C11orf65: variants seen among roughly 807,000 people sequenced by gnomAD.
The protein encoded by C11orf65 is chromosome 11 open reading frame 65.
C11orf65 carries 38 observed loss-of-function variants against 35.3 expected under a neutral mutation model. That is an observed-to-expected ratio of 1.08 (90% confidence interval 0.83 to 1.41). C11orf65 has a LOEUF of 1.41. Among genes scored for constraint, C11orf65 ranks in the 40% most tolerant of loss-of-function variants. C11orf65 has a pLI of 0.00. For synonymous variants in C11orf65, 105 were observed against 114.4 expected (o/e 0.92, Z 0.53); for missense variants, 370 against 367.1 (o/e 1.01, Z -0.06).
chr11:108,437,777 A>G (rs6589017), intron 2 of C11orf65, among the ~76,000 whole-genome samples: 90,581 of 147,118 alleles, frequency 0.62, 28,258 homozygotes, highest in Middle Eastern at 0.76. Flanking sequence ...CCACATTCAC[A>G]GATTGGAAGC....
At chr11:108,441,123 A>C (rs960987363) in intron 2 of C11orf65, among the ~76,000 whole-genome samples, 6 of 152,186 alleles carry the variant, frequency 3.9e-5, no homozygotes, top group Non-Finnish European at 8.8e-5. Flanking sequence ...CTCCCACCCT[A>C]ATACTGTGCT....
Position 108,385,636 on chromosome 11 carries a change from C to T in C11orf65, c.787+284G>A, listed in dbSNP as rs557017413. On this transcript the variant is annotated intron_variant, in intron 8 of 8. Coordinates refer to ENST00000393084, the MANE Select transcript of C11orf65 (RefSeq NM_152587.5). ...GGCGGAGCTTGCAGTGAGCCAACATCGCACCACTGCACTCCAGCCTGGGCG... is the reference window on the plus strand; with the variant it reads ...GGCGGAGCTTGCAGTGAGCCAACATTGCACCACTGCACTCCAGCCTGGGCG... Among the ~76,000 whole-genome samples the T allele has an allele frequency of 7.1e-4, 108 of 151,498 alleles. 1 individual carries two copies. The highest frequency in any genetic ancestry group is 2.4e-3 in the African/African-American group (100 of 41,298).
Position 108,385,888 on chromosome 11 carries a change from T to C in C11orf65, c.787+32A>G, listed in dbSNP as rs750183395. 19 of 1,585,510 alleles carry C rather than the reference T, an allele frequency of 1.2e-5. No individual in the cohort carries two copies. In the East Asian group the frequency reaches 3.8e-4, roughly 32 times the overall value. On this transcript the variant is annotated intron_variant, in intron 8 of 8. Coordinates refer to ENST00000393084, the MANE Select transcript of C11orf65 (RefSeq NM_152587.5). Reference sequence around the variant, plus strand: ...GGAATGTATTTTTTGTTCATGAGAATTTCCTATAAAGTACTGCTAAAAATC... The same window carrying C: ...GGAATGTATTTTTTGTTCATGAGAACTTCCTATAAAGTACTGCTAAAAATC...
chr11:108,329,053 A>C (rs376159946), downstream of C11orf65: 14 of 1,613,994 alleles, frequency 8.7e-6, no homozygotes, highest in Non-Finnish European at 1.1e-5. Context: ...ATGATGGAGA[A>C]AGTAGTGATG....
At position 108,321,379 on chromosome 11, in the gene C11orf65, G is replaced by A. The variant is rs2136241619; in HGVS notation, c.641-12308C>T. The A allele has an allele frequency of 1.2e-6, 2 of 1,614,078 alleles. No homozygotes were observed. Among genetic ancestry groups the A allele is most frequent in the Non-Finnish European group, 8.5e-7 (1 of 1,180,042 alleles). ...TCTATCCCACACTTAGCAGGTTGCA[G>A]GCCATTGGAGAGCTGGAAAGCATTG... is the stretch of plus-strand genomic sequence containing the variant. On this transcript the variant is annotated intron_variant, in intron 6 of 6. Transcript: ENST00000525729.
intron 2 of C11orf65, among the ~76,000 whole-genome samples, chr11:108,459,586 TCTATTTTTAGTTTTC>T (rs1555179130): frequency 2.6e-5 from 4 of 152,204 alleles, no homozygotes; most frequent in Non-Finnish European, 5.9e-5. Flanking sequence ...GATGCTATCA[TCTATTTTTAGTTTTC>T]CAAAAATTAG....
At chr11:108,343,748 G>C (rs2087911295) in intron 2 of C11orf65, among the ~76,000 whole-genome samples, 1 of 152,042 alleles carries the variant, frequency 6.6e-6, no homozygotes, top group African/African-American at 2.4e-5. Flanking sequence ...GGATTTTGAG[G>C]CCAGCCTGGG....
intron 8 of C11orf65, among the ~76,000 whole-genome samples, chr11:108,383,759 C>A (rs908077729): frequency 6.6e-6 from 1 of 152,186 alleles, no homozygotes; most frequent in Non-Finnish European, 1.5e-5. Flanking sequence ...TTATGCAAAT[C>A]TCCACTACTT....
chr11:108,393,191 T>C lies in C11orf65; in HGVS notation c.731+17A>G, dbSNP rs369377668. On this transcript the variant is annotated intron_variant, in intron 7 of 8. Transcript: ENST00000393084. ...GATGACTGCCCTTGTTCCCCAAGAATAGCAACATGTACTTACTCATCAAAG... is the reference window on the plus strand; with the variant it reads ...GATGACTGCCCTTGTTCCCCAAGAACAGCAACATGTACTTACTCATCAAAG... 1.0e-5 allele frequency: 16 copies of C among 1,603,370 alleles called. No individual in the cohort carries two copies. Among genetic ancestry groups the C allele is most frequent in the African/African-American group, 8.0e-5 (6 of 74,774 alleles).
intron 3 of C11orf65, among the ~76,000 whole-genome samples, chr11:108,421,910 G>A (rs1211310360): frequency 2.0e-5 from 3 of 152,152 alleles, no homozygotes; most frequent in Admixed American, 2.0e-4. Flanking sequence ...AGATTCCAGA[G>A]TTCCAATAAA....
At chr11:108,433,571 C>G (rs2093023066) in intron 2 of C11orf65, among the ~76,000 whole-genome samples, 1 of 121,154 alleles carries the variant, frequency 8.3e-6, no homozygotes, top group South Asian at 2.6e-4. Flanking sequence ...CAGAGTGAGA[C>G]TCCGTCTCAA....
Position 108,333,973 on chromosome 11 carries a change from T to C in C11orf65, c.299+1247A>G, listed in dbSNP as rs56256497. 6.3e-7 allele frequency: 1 copy of C among 1,593,646 alleles called. No homozygotes were observed. The highest frequency in any genetic ancestry group is 8.6e-7 in the Non-Finnish European group (1 of 1,162,008). ...GTCCCTACTATGGAAATTAAGGTAATTTGCAATTAACTCTTGATTTTTTTT... is the reference window on the plus strand; with the variant it reads ...GTCCCTACTATGGAAATTAAGGTAACTTGCAATTAACTCTTGATTTTTTTT... On this transcript the variant is annotated intron_variant, in intron 3 of 3. Coordinates refer to the C11orf65 transcript ENST00000524755.
intron 3 of C11orf65, among the ~76,000 whole-genome samples, chr11:108,424,911 TA>T (rs1209701302): frequency 6.6e-6 from 1 of 152,146 alleles, no homozygotes; most frequent in East Asian, 1.9e-4. Flanking sequence ...GACTACTGGA[TA>T]AATAACGAAA....
chr11:108,417,525 C>A (rs2092753674), intron 3 of C11orf65, among the ~76,000 whole-genome samples: 1 of 148,448 alleles, frequency 6.7e-6, no homozygotes, highest in Non-Finnish European at 1.5e-5. Flanking sequence ...CTAGCCTGGG[C>A]AACAGAACGA....
At chr11:108,364,800 G>T (rs946234466) in intron 2 of C11orf65, among the ~76,000 whole-genome samples, 2 of 152,146 alleles carry the variant, frequency 1.3e-5, no homozygotes, top group East Asian at 1.9e-4. Context: ...GAAAGAAAGT[G>T]ACTAACCTTT....
intron 7 of C11orf65, among the ~76,000 whole-genome samples, chr11:108,388,402 C>T (rs979625240): frequency 3.9e-5 from 6 of 152,106 alleles, no homozygotes; most frequent in Non-Finnish European, 5.9e-5. Context: ...ATCTTTCTCA[C>T]GAAGAAATTT....
intron 3 of C11orf65, among the ~76,000 whole-genome samples, chr11:108,425,841 A>G (rs1366157751): frequency 6.6e-6 from 1 of 152,246 alleles, no homozygotes; most frequent in African/African-American, 2.4e-5. Flanking sequence ...GGCTAGTTCA[A>G]CATACACAAA....
intron 1 of C11orf65, among the ~76,000 whole-genome samples, chr11:108,467,153 A>G (rs545849981): frequency 5.2e-4 from 79 of 152,136 alleles, no homozygotes; most frequent in African/African-American, 1.6e-3. Context: ...ATCTTTGCGG[A>G]GGATTGGGGT....
chr11:108,333,318 TTTAA>T (rs1322403348), intron 3 of C11orf65, among the ~76,000 whole-genome samples: 2 of 152,220 alleles, frequency 1.3e-5, no homozygotes, highest in Admixed American at 1.3e-4. Flanking sequence ...AATGCCATTA[TTTAA>T]TTATTATTCT....
Sources: allele counts gnomAD v4.1 joint callset (sites outside exome capture counted in the v4.1 genomes callset), GRCh38; gene constraint gnomAD v4.1.1; transcripts MANE v1.5; gene names NCBI Gene and HGNC (gene_info 2026-07-23, HGNC 2026-07-21).